BMAL1: variants seen among roughly 807,000 people sequenced by gnomAD.
BMAL1 encodes the protein basic helix-loop-helix ARNT-like protein 1.
the BMAL1 span, among the ~76,000 whole-genome samples, chr11:13,373,679 C>G: frequency 6.6e-6 from 1 of 152,094 alleles, no homozygotes; most frequent in African/African-American, 2.4e-5. Flanking sequence ...GCTCATTGTT[C>G]TGTGTTTTTG....
At chr11:13,366,856 G>A in the BMAL1 span, 38 of 1,217,152 alleles carry the variant, frequency 3.1e-5, no homozygotes, top group South Asian at 2.1e-4. Context: ...AGCAGAGGGC[G>A]GGTGTGTGTG....
chr11:13,292,030 T>C, the BMAL1 span, among the ~76,000 whole-genome samples: 1 of 152,228 alleles, frequency 6.6e-6, no homozygotes, highest in Non-Finnish European at 1.5e-5. Flanking sequence ...GTGCCTTTCC[T>C]AGGAATGGAG....
chr11:13,374,140 A>T, the BMAL1 span: 1 of 1,614,004 alleles, frequency 6.2e-7, no homozygotes, highest in Non-Finnish European at 8.5e-7. Flanking sequence ...TTCTAGGCAC[A>T]TCGTGTTATG....
At chr11:13,344,202 C>T in the BMAL1 span, among the ~76,000 whole-genome samples, 1 of 152,158 alleles carries the variant, frequency 6.6e-6, no homozygotes, top group South Asian at 2.1e-4. Context: ...TCCTCAGCAC[C>T]CCTCCACACA....
the BMAL1 span, among the ~76,000 whole-genome samples, chr11:13,286,070 C>A: frequency 6.6e-6 from 1 of 152,136 alleles, no homozygotes; most frequent in Non-Finnish European, 1.5e-5. Flanking sequence ...ATAAATTTTT[C>A]TATAAGAAAC....
chr11:13,280,913 G>A, the BMAL1 span, among the ~76,000 whole-genome samples: 4 of 152,164 alleles, frequency 2.6e-5, no homozygotes, highest in African/African-American at 9.7e-5. Context: ...CTCTCACCAT[G>A]GGCAAGTGCC....
At chr11:13,307,525 G>A in the BMAL1 span, among the ~76,000 whole-genome samples, 1 of 152,200 alleles carries the variant, frequency 6.6e-6, no homozygotes, top group East Asian at 1.9e-4. Context: ...CAAGGAGAAG[G>A]GGGTCTTATG....
chr11:13,372,665 C>G, the BMAL1 span, among the ~76,000 whole-genome samples: 1 of 152,022 alleles, frequency 6.6e-6, no homozygotes, highest in African/African-American at 2.4e-5. Flanking sequence ...CAAAAATTAG[C>G]CAGGCATGGT....
the BMAL1 span, among the ~76,000 whole-genome samples, chr11:13,315,598 C>G: frequency 3.2e-4 from 49 of 152,156 alleles, no homozygotes; most frequent in African/African-American, 9.7e-4. Flanking sequence ...GGTTTACGCT[C>G]TGACCCTTCT....
At chr11:13,343,576 C>T in the BMAL1 span, among the ~76,000 whole-genome samples, 21 of 152,140 alleles carry the variant, frequency 1.4e-4, no homozygotes, top group Non-Finnish European at 2.9e-4. Flanking sequence ...ACCAAGAGTC[C>T]CCCCAGGATG....
the BMAL1 span, chr11:13,369,832 T>G: frequency 1.9e-6 from 3 of 1,564,872 alleles, no homozygotes; most frequent in Non-Finnish European, 2.6e-6. Flanking sequence ...AGCGGAGCTC[T>G]CAGCTGGGCG....
the BMAL1 span, among the ~76,000 whole-genome samples, chr11:13,343,465 C>T: frequency 2.0e-5 from 3 of 152,210 alleles, no homozygotes; most frequent in African/African-American, 7.2e-5. Flanking sequence ...TCTGCTGCCT[C>T]ATCCTGGGCC....
the BMAL1 span, chr11:13,375,547 G>T: frequency 1.5e-6 from 2 of 1,345,280 alleles, no homozygotes; most frequent in Non-Finnish European, 1.0e-6. Flanking sequence ...ATTTTGTATT[G>T]GATGTCCTGT....
chr11:13,348,120 C>T, the BMAL1 span, among the ~76,000 whole-genome samples: 2 of 152,210 alleles, frequency 1.3e-5, no homozygotes, highest in African/African-American at 4.8e-5. Context: ...GCTCTGAAGG[C>T]TTCTCCAGGA....
the BMAL1 span, among the ~76,000 whole-genome samples, chr11:13,318,544 GTTTT>G: frequency 2.0e-3 from 99 of 49,342 alleles, no homozygotes; most frequent in African/African-American, 7.0e-3. Flanking sequence ...AAGACACTTA[GTTTT>G]TTTTTTTTTT....
At chr11:13,361,415 G>A in the BMAL1 span, among the ~76,000 whole-genome samples, 47 of 152,244 alleles carry the variant, frequency 3.1e-4, no homozygotes, top group Admixed American at 5.2e-4. Flanking sequence ...AAGGATACCC[G>A]CTTCCACCTC....
At chr11:13,344,473 G>A in the BMAL1 span, among the ~76,000 whole-genome samples, 3 of 152,194 alleles carry the variant, frequency 2.0e-5, no homozygotes, top group South Asian at 2.1e-4. Context: ...TAAAACACTC[G>A]TCTTTCTAAC....
At chr11:13,370,623 A>T in the BMAL1 span, among the ~76,000 whole-genome samples, 314 of 152,218 alleles carry the variant, frequency 2.1e-3, 2 homozygotes, top group African/African-American at 6.9e-3. Flanking sequence ...AAGTTCTCTG[A>T]AATGTTTGTC....
chr11:13,365,829 C>T, the BMAL1 span, among the ~76,000 whole-genome samples: 1 of 152,180 alleles, frequency 6.6e-6, no homozygotes, highest in Non-Finnish European at 1.5e-5. Flanking sequence ...TCTTCTATTG[C>T]TGCAAAATAA....
Sources: gnomAD v4.1 joint callset for allele counts (sites outside exome capture counted in the v4.1 genomes callset) on GRCh38, gnomAD v4.1.1 for gene constraint, MANE v1.5 for transcripts, NCBI Gene and HGNC (gene_info 2026-07-23, HGNC 2026-07-21) for gene names.